Variants in ATP8A2 observed in about 807,000 individuals in gnomAD.
The protein encoded by ATP8A2 is phospholipid-transporting ATPase IB.
ATP8A2 carries 100 observed loss-of-function variants against 165.6 expected under a neutral mutation model. The observed-to-expected ratio is 0.60, with a 90% confidence interval of 0.51 to 0.71. The LOEUF (loss-of-function observed/expected upper bound fraction) is 0.71, where lower values mean the gene tolerates loss of function less well. Ranked by LOEUF, ATP8A2 falls within the 30% of genes least tolerant of loss-of-function variation. The pLI is 0.00. For synonymous variants in ATP8A2, 543 were observed against 548.8 expected (o/e 0.99, Z 0.15); for missense variants, 1,227 against 1,479.5 (o/e 0.83, Z 2.80).
At chr13:25,646,984 G>T (rs201623110) in intron 24 of ATP8A2, among the ~76,000 whole-genome samples, 5,246 of 152,198 alleles carry the variant, frequency 0.034, 153 homozygotes, top group East Asian at 0.13. Context: ...AAAAACTCAA[G>T]TTTGATTACA....
At chr13:25,955,721 T>C (rs972867727) in intron 33 of ATP8A2, among the ~76,000 whole-genome samples, 6 of 152,178 alleles carry the variant, frequency 3.9e-5, no homozygotes, top group Non-Finnish European at 8.8e-5. Context: ...GTACCATTCC[T>C]TCTGGAACTA....
At chr13:25,927,183 G>T (rs1954633188) in intron 33 of ATP8A2, 2 of 456,706 alleles carry the variant, frequency 4.4e-6, no homozygotes, top group South Asian at 3.1e-5. Flanking sequence ...CTGCACGGCG[G>T]GTCCCTGTGC....
At chr13:25,757,407 G>T (rs529046110) in intron 25 of ATP8A2, among the ~76,000 whole-genome samples, 2 of 152,170 alleles carry the variant, frequency 1.3e-5, no homozygotes, top group Non-Finnish European at 2.9e-5. Flanking sequence ...TGGATGGCAG[G>T]TCATTTTGTT....
At chr13:25,789,091 A>G (rs908819814) in intron 27 of ATP8A2, among the ~76,000 whole-genome samples, 3 of 152,236 alleles carry the variant, frequency 2.0e-5, no homozygotes, top group Non-Finnish European at 2.9e-5. Flanking sequence ...TGTGTGGTCC[A>G]TGGTATTTCA....
intron 27 of ATP8A2, among the ~76,000 whole-genome samples, chr13:25,801,216 C>T (rs1326575776): frequency 1.3e-5 from 2 of 152,138 alleles, no homozygotes; most frequent in African/African-American, 2.4e-5. Context: ...GTGCAGTCTG[C>T]GCTCCCTCTT....
At chr13:25,734,761 C>G (rs2043730690) in intron 25 of ATP8A2, among the ~76,000 whole-genome samples, 2 of 152,144 alleles carry the variant, frequency 1.3e-5, no homozygotes, top group African/African-American at 4.8e-5. Context: ...GCCTCAGCCT[C>G]CTAAGTAGCT....
At chr13:25,686,400 G>T (rs2042602308) in intron 24 of ATP8A2, among the ~76,000 whole-genome samples, 1 of 152,122 alleles carries the variant, frequency 6.6e-6, no homozygotes, top group Non-Finnish European at 1.5e-5. Flanking sequence ...ATGGGGAGGT[G>T]GGTCCAGAGG....
intron 27 of ATP8A2, among the ~76,000 whole-genome samples, chr13:25,801,949 AAC>A (rs1950630848): frequency 6.6e-6 from 1 of 151,996 alleles, no homozygotes; most frequent in Non-Finnish European, 1.5e-5. Context: ...ATCTCGGGAG[AAC>A]TCCCTCATTA....
At chr13:25,449,099 A>G (rs1047442167) in intron 1 of ATP8A2, among the ~76,000 whole-genome samples, 1 of 152,010 alleles carries the variant, frequency 6.6e-6, no homozygotes, top group African/African-American at 2.4e-5. Context: ...TCTGACTTTA[A>G]TTTTCTTGTT....
chr13:25,518,246 C>G (rs1213254301), intron 2 of ATP8A2, among the ~76,000 whole-genome samples: 1 of 152,148 alleles, frequency 6.6e-6, no homozygotes, highest in Non-Finnish European at 1.5e-5. Context: ...GCTGAGTGAC[C>G]ATTTGGGAGG....
chr13:25,918,209 T>A (rs1406732911), intron 33 of ATP8A2, among the ~76,000 whole-genome samples: 1 of 152,186 alleles, frequency 6.6e-6, no homozygotes, highest in East Asian at 1.9e-4. Context: ...TCCAAAAGCA[T>A]TCTGATAAAA....
At chr13:25,826,597 C>T (rs1951321134) in intron 27 of ATP8A2, among the ~76,000 whole-genome samples, 1 of 152,178 alleles carries the variant, frequency 6.6e-6, no homozygotes, top group South Asian at 2.1e-4. Flanking sequence ...TTGACCTCAA[C>T]TCTGGTTGTC....
intron 24 of ATP8A2, among the ~76,000 whole-genome samples, chr13:25,643,232 T>A (rs766555203): frequency 1.3e-5 from 2 of 152,076 alleles, no homozygotes; most frequent in Non-Finnish European, 2.9e-5. Context: ...AAAAAGAATA[T>A]TGTGATCCTC....
chr13:25,669,840 A>C (rs2042229583), intron 24 of ATP8A2, among the ~76,000 whole-genome samples: 1 of 152,162 alleles, frequency 6.6e-6, no homozygotes, highest in Non-Finnish European at 1.5e-5. Context: ...ACTGCAGCCC[A>C]AGGGAGCAGG....
rs905450092 is a variant in ATP8A2, at chr13:25,756,403, C to T, written c.2385-12643C>T. ...GTGAAGTGGTGTGGTTGTGGCTCCT[C>T]TGCTGGATTCTTACAGTGTTGGGAG... On this transcript the variant is annotated intron_variant, in intron 25 of 36. Coordinates refer to ENST00000381655, the MANE Select transcript of ATP8A2 (RefSeq NM_016529.6). Among the ~76,000 whole-genome samples the T allele has an allele frequency of 3.4e-5, 5 of 148,408 alleles. No homozygotes were observed. In the Admixed American group the frequency reaches 3.4e-4, roughly 10 times the overall value.
chr13:25,582,097 A>G, intron 23 of ATP8A2, 140 bp downstream of exon 23: 1 of 822,160 alleles, frequency 1.2e-6, no homozygotes, highest in Non-Finnish European at 1.9e-6. Context: ...GCTAAGGAAA[A>G]TTGACCTAAA....
At chr13:25,801,103 G>A (rs879730697) in intron 27 of ATP8A2, among the ~76,000 whole-genome samples, 18 of 152,144 alleles carry the variant, frequency 1.2e-4, no homozygotes, top group Non-Finnish European at 1.9e-4. Flanking sequence ...AAGTTACAAC[G>A]GGAAAAGAAA....
chr13:25,847,346 A>T (rs1013851899), intron 30 of ATP8A2, among the ~76,000 whole-genome samples: 3 of 152,232 alleles, frequency 2.0e-5, no homozygotes, highest in South Asian at 2.1e-4. Flanking sequence ...TTTAAACCGC[A>T]GTTATGAACT....
chr13:25,904,465 G>T (rs1462270051), intron 33 of ATP8A2, among the ~76,000 whole-genome samples: 1 of 152,150 alleles, frequency 6.6e-6, no homozygotes, highest in Non-Finnish European at 1.5e-5. Flanking sequence ...GTTGCCCCAG[G>T]GGCCTTTTGG....
Sources: gnomAD v4.1 joint callset for allele counts (sites outside exome capture counted in the v4.1 genomes callset) on GRCh38, gnomAD v4.1.1 for gene constraint, MANE v1.5 for transcripts, NCBI Gene and HGNC (gene_info 2026-07-23, HGNC 2026-07-21) for gene names.